The following ZSCAN30 variants were observed in gnomAD, a reference collection of about 807,000 sequenced individuals.
ZSCAN30 encodes the protein zinc finger and SCAN domain containing 30.
ZSCAN30 carries 37 observed loss-of-function variants against 44.3 expected under a neutral mutation model. The observed-to-expected ratio is 0.84, with a 90% CI of 0.64 to 1.10. The LOEUF (loss-of-function observed/expected upper bound fraction) is 1.10, where lower values mean the gene tolerates loss of function less well. Ranked by LOEUF, ZSCAN30 falls within the 50% of genes least tolerant of loss-of-function variation. The probability of loss-of-function intolerance (pLI) is 0.00; values close to 1 mark genes in which losing one functional copy is unlikely to be tolerated. For missense variants in ZSCAN30, 549 were observed against 582.6 expected, an observed-to-expected ratio of 0.94 and a Z score of 0.59; for synonymous variants, 181 against 204.6, an observed-to-expected ratio of 0.88 and a Z score of 0.98.
At position 35,263,504 on chromosome 18, in the gene ZSCAN30, G is replaced by A; in HGVS notation, c.553+9C>T. The A allele has an allele frequency of 1.2e-6, 2 of 1,614,034 alleles. No individual in the cohort carries two copies. The highest frequency in any genetic ancestry group is 1.7e-6 in the Non-Finnish European group (2 of 1,179,992). On this transcript the variant is annotated intron_variant, in intron 3 of 3. Coordinates refer to ENST00000333206, the MANE Select transcript of ZSCAN30 (RefSeq NM_001112734.4). ...CATCCTCAACCCCACATGGACTGGG[G>A]CTTCTCACCTCTCTCCTGGAAAGCC...
chr18:35,263,639 C>T lies in ZSCAN30; in HGVS notation c.427G>A (p.Glu143Lys). ...PRQQDTTHGQ[E>K]MFWQEMTSTG... ...GATGTCATTTCCTGCCAGAACATTT[C>T]TTGGCCATGAGTTGTGTCCTAGGAG... Residue 143 changes from glutamate to lysine, a missense_variant, in exon 3 of 4, where the codon GAA (glutamate) becomes AAA (lysine). Physicochemically the swap from Glu to Lys is moderately conservative, Grantham distance 56 (BLOSUM62 1). Transcript: ENST00000333206. 1 of 1,614,154 alleles carries T rather than the reference C, an allele frequency of 6.2e-7. No individual in the cohort carries two copies. The highest frequency in any genetic ancestry group is 1.1e-5 in the South Asian group (1 of 91,080).
chr18:35,255,872 C>T (rs763637002), intron 3 of ZSCAN30: 4 of 154,274 alleles, frequency 2.6e-5, no homozygotes, highest in Non-Finnish European at 5.9e-5. Flanking sequence ...GAAAAATATA[C>T]TTGCATACAA....
chr18:35,270,495 T>C (rs1393080076), intron 1 of ZSCAN30, among the ~76,000 whole-genome samples: 1 of 152,252 alleles, frequency 6.6e-6, no homozygotes, highest in Admixed American at 6.5e-5. Flanking sequence ...AGTGATAATG[T>C]ACTTTTAAAC....
chr18:35,264,496 G>A lies in ZSCAN30; in HGVS notation c.-103-41C>T, dbSNP rs2044105364. 5.8e-6 allele frequency: 5 copies of A among 855,406 alleles called. No individual in the cohort carries two copies. In the South Asian group the frequency reaches 7.4e-5, roughly 13 times the overall value. The allele number at this position is 855,406 out of a possible 1,614,324, so 53.0% of individuals were successfully genotyped here. A position where few individuals can be genotyped will look rare whatever the true frequency, so the allele number is the denominator to read the frequency against. On this transcript the variant is annotated intron_variant, in intron 1 of 3. Transcript: ENST00000333206. Reference sequence around the variant, plus strand: ...GCTCATGTTACACAGGGAAAATAATGTACTTGGAATATAAATACAGGTTTT... The same window carrying A: ...GCTCATGTTACACAGGGAAAATAATATACTTGGAATATAAATACAGGTTTT...
At chr18:35,274,642 G>C (rs959932586) in intron 1 of ZSCAN30, among the ~76,000 whole-genome samples, 1 of 152,140 alleles carries the variant, frequency 6.6e-6, no homozygotes, top group Non-Finnish European at 1.5e-5. Flanking sequence ...ACCCTCAGCT[G>C]CCTCTTCCAG....
intron 1 of ZSCAN30, chr18:35,267,426 G>A (rs936585374): frequency 3.9e-5 from 6 of 152,298 alleles, no homozygotes; most frequent in African/African-American, 1.2e-4. Flanking sequence ...TGCGGGACAG[G>A]GGCGGTTTGG....
At chr18:35,260,735 CT>C (rs1181039659) in intron 3 of ZSCAN30, 1 of 151,960 alleles carries the variant, frequency 6.6e-6, no homozygotes, top group Non-Finnish European at 1.5e-5. Flanking sequence ...GTTTAAGTTT[CT>C]TGTAGATCCT....
intron 1 of ZSCAN30, among the ~76,000 whole-genome samples, chr18:35,271,278 AGTGCTGATTGGTCAATTTTGACAGG>A (rs1406156029): frequency 1.3e-5 from 2 of 152,280 alleles, no homozygotes; most frequent in Non-Finnish European, 2.9e-5. Flanking sequence ...CGTTTTATAG[AGTGCTGATTGGTCAATTTTGACAGG>A]GTGCTGATTG....
chr18:35,265,836 C>G (rs754823912), intron 1 of ZSCAN30, among the ~76,000 whole-genome samples: 15 of 151,898 alleles, frequency 9.9e-5, no homozygotes, highest in Non-Finnish European at 1.6e-4. Flanking sequence ...AAGGACGGAG[C>G]GAAGTAGACA....
intron 1 of ZSCAN30, among the ~76,000 whole-genome samples, chr18:35,271,369 C>A (rs1452229957): frequency 1.4e-5 from 2 of 146,866 alleles, no homozygotes; most frequent in Non-Finnish European, 3.0e-5. Context: ...ATTTACAATC[C>A]TCTAGCTAGA....
At position 35,252,034 on chromosome 18, in the gene ZSCAN30, C is replaced by T. The variant is rs905716927; in HGVS notation, c.*1416G>A. 6.6e-6 allele frequency: 1 copy of T among 152,160 alleles called. No individual in the cohort carries two copies. The highest frequency in any genetic ancestry group is 1.5e-5 in the Non-Finnish European group (1 of 68,038). The allele number at this position is 152,160 out of a possible 1,614,324, so 9.4% of individuals were successfully genotyped here. A position where few individuals can be genotyped will look rare whatever the true frequency, so the allele number is the denominator to read the frequency against. ...TTACAGGCAGAGGTTATAGCCCATACAATGGCATGAAGATAAGATAGGATC... is the reference window on the plus strand; with the variant it reads ...TTACAGGCAGAGGTTATAGCCCATATAATGGCATGAAGATAAGATAGGATC... On this transcript the variant is annotated 3_prime_UTR_variant, in exon 4 of 4. Transcript: ENST00000333206.
intron 1 of ZSCAN30, among the ~76,000 whole-genome samples, chr18:35,266,437 G>A (rs912968041): frequency 2.6e-5 from 4 of 152,090 alleles, no homozygotes; most frequent in African/African-American, 9.7e-5. Flanking sequence ...GACAGGACTT[G>A]ACACACCGTA....
At position 35,253,824 on chromosome 18, in the gene ZSCAN30, C is replaced by A; in HGVS notation, c.1111G>T (p.Glu371Ter). 6.2e-7 allele frequency: 1 copy of A among 1,614,172 alleles called. No homozygotes were observed. Among genetic ancestry groups the A allele is most frequent in the Non-Finnish European group, 8.5e-7 (1 of 1,180,024 alleles). Residue 371 changes from glutamate to a stop codon, truncating the protein, a stop_gained, in exon 4 of 4, where the codon GAG (glutamate) becomes TAG (stop). Coordinates refer to ENST00000333206, the MANE Select transcript of ZSCAN30 (RefSeq NM_001112734.4). LOFTEE classifies it high-confidence loss of function. Reference protein sequence around the residue: ...ECGKAFRGSSELIRHRRIHTG... With the variant: ...ECGKAFRGSS ...TGGATTCTCCGATGCCTGATGAGCT[C>A]TGAACTGCCCCTGAAGGCTTTTCCA...
In ZSCAN30 at chr18:35,264,111, A is replaced by C. The variant is rs766858827; in HGVS notation, c.242T>G (p.Val81Gly). ...CTCCAGGATCTGCTCCTTGGAGTGC[A>C]CCTCCGGCCTCAACCACTGACAGCA... Reference protein sequence around the residue: ...ELCCQWLRPEVHSKEQILELL... With the variant: ...ELCCQWLRPEGHSKEQILELL... The change falls in exon 2 of 4, where the codon GTG becomes GGG. Residue 81 changes from valine to glycine, a missense_variant. Coordinates refer to ENST00000333206, the MANE Select transcript of ZSCAN30 (RefSeq NM_001112734.4). 17 of 1,614,014 alleles carry C rather than the reference A, an allele frequency of 1.1e-5. 1 individual carries two copies. The South Asian group carries it at 1.9e-4, about 18-fold the overall frequency.
chr18:35,270,199 C>T (rs983050478), intron 1 of ZSCAN30: 2 of 152,144 alleles, frequency 1.3e-5, no homozygotes, highest in African/African-American at 4.8e-5. Flanking sequence ...TATGTCACAT[C>T]AGTGAAAGAT....
Position 35,253,835 on chromosome 18 carries a change from CT to C in ZSCAN30, c.1099del (p.Arg367GlyfsTer183), listed in dbSNP as rs1569058726. On this transcript the variant is annotated frameshift_variant, in exon 4 of 4. Coordinates refer to ENST00000333206, the MANE Select transcript of ZSCAN30 (RefSeq NM_001112734.4). LOFTEE classifies it high-confidence loss of function. ...ATGCCTGATGAGCTCTGAACTGCCCCTGAAGGCTTTTCCACATTCACAACAT... is the reference window on the plus strand; with the variant it reads ...ATGCCTGATGAGCTCTGAACTGCCCCGAAGGCTTTTCCACATTCACAACAT... ...YECCECGKAF[R>X]GSSELIRHRR... The C allele has an allele frequency of 1.2e-6, 2 of 1,614,192 alleles. No individual in the cohort carries two copies. Among genetic ancestry groups the C allele is most frequent in the African/African-American group, 1.3e-5 (1 of 75,042 alleles).
At chr18:35,285,707 C>CAGT (rs2044537506) in intron 1 of ZSCAN30, among the ~76,000 whole-genome samples, 1 of 151,714 alleles carries the variant, frequency 6.6e-6, no homozygotes, top group Non-Finnish European at 1.5e-5. Flanking sequence ...GCTGCTAAGG[C>CAGT]AGTACTTAGG....
At chr18:35,280,783 G>C (rs1291022609) in intron 1 of ZSCAN30, 1 of 152,176 alleles carries the variant, frequency 6.6e-6, no homozygotes, top group Non-Finnish European at 1.5e-5. Flanking sequence ...ATATTTATTT[G>C]AGCAGCAGCC....
intron 1 of ZSCAN30, among the ~76,000 whole-genome samples, chr18:35,278,857 T>C (rs2044408766): frequency 6.6e-6 from 1 of 152,202 alleles, no homozygotes; most frequent in South Asian, 2.1e-4. Flanking sequence ...CTAACAAGGA[T>C]TGCTTGTTCT....
Sources: gnomAD v4.1 joint callset for allele counts (sites outside exome capture counted in the v4.1 genomes callset) on GRCh38, gnomAD v4.1.1 for gene constraint, MANE v1.5 for transcripts, NCBI Gene and HGNC (gene_info 2026-07-23, HGNC 2026-07-21) for gene names.